DNAJC1: variants seen among roughly 807,000 people sequenced by gnomAD.
DNAJC1 encodes DnaJ heat shock protein family (Hsp40) member C1.
A neutral mutation model predicts 76.6 loss-of-function variants in DNAJC1; 58 were observed. The ratio of observed to expected loss-of-function variants is 0.76; its 90% CI spans 0.61 to 0.94. The LOEUF is 0.94. Ranked by LOEUF, DNAJC1 falls within the 40% of genes least tolerant of loss-of-function variation. The pLI is 0.00. For synonymous variants in DNAJC1, 258 were observed against 267.9 expected, an observed-to-expected ratio of 0.96 and a Z score of 0.36; for missense variants, 689 against 677.3, an observed-to-expected ratio of 1.02 and a Z score of -0.19.
intron 1 of DNAJC1, among the ~76,000 whole-genome samples, chr10:21,973,325 G>GAA (rs1432794511): frequency 1.3e-5 from 2 of 152,274 alleles, no homozygotes; most frequent in East Asian, 1.9e-4. Flanking sequence ...CACTAACAAT[G>GAA]AAAATGGCCG....
At chr10:21,798,228 T>C (rs1411927057) in intron 9 of DNAJC1, among the ~76,000 whole-genome samples, 2 of 152,196 alleles carry the variant, frequency 1.3e-5, no homozygotes, top group African/African-American at 4.8e-5. Context: ...AAAACCACCA[T>C]TGTGTTCTGA....
At chr10:21,817,596 G>A (rs1459209875) in intron 8 of DNAJC1, among the ~76,000 whole-genome samples, 1 of 151,986 alleles carries the variant, frequency 6.6e-6, no homozygotes, top group African/African-American at 2.4e-5. Flanking sequence ...TCATACAAGA[G>A]CCAAATTAAA....
chr10:21,813,092 C>CATATATATATATATATATATATATATAT (rs1321366910), intron 8 of DNAJC1, among the ~76,000 whole-genome samples: 1 of 72,244 alleles, frequency 1.4e-5, no homozygotes, highest in African/African-American at 5.4e-5. Flanking sequence ...TATATACACA[C>CATATATATATATATATATATATATATAT]ACACATATAT....
intron 8 of DNAJC1, 61 bp from the exon 9 acceptor site, chr10:21,806,160 A>G (rs1834880612): frequency 6.6e-7 from 1 of 1,522,332 alleles, no homozygotes; most frequent in Non-Finnish European, 8.8e-7. Context: ...GATAATTGGA[A>G]GAATAAAAAA....
chr10:21,867,870 G>C (rs1836031246), intron 8 of DNAJC1, among the ~76,000 whole-genome samples: 1 of 151,764 alleles, frequency 6.6e-6, no homozygotes, highest in African/African-American at 2.4e-5. Context: ...TCAGGAGTTT[G>C]AGACCAGCCT....
At position 21,759,273 on chromosome 10, in the gene DNAJC1, G is replaced by A. The variant is rs1304901186; in HGVS notation, c.1493C>T (p.Thr498Ile). The change falls in exon 11 of 12, where the codon ACT (threonine) becomes ATT (isoleucine). Residue 498 changes from threonine to isoleucine, a missense_variant. By Grantham distance (89) the Thr-to-Ile change is moderately conservative. Coordinates refer to ENST00000376980, the MANE Select transcript of DNAJC1 (RefSeq NM_022365.4). Reference sequence around the variant, plus strand: ...TTCCAGAAGTTTCTGTTGATTTTGAGTCCACGGCTCCTCTGCAGACCGAGC... The same window carrying A: ...TTCCAGAAGTTTCTGTTGATTTTGAATCCACGGCTCCTCTGCAGACCGAGC... ...ERARSAEEPWTQNQQKLLELA... is the reference protein window; with the variant it reads ...ERARSAEEPWIQNQQKLLELA... The A allele has an allele frequency of 1.2e-6, 2 of 1,614,098 alleles. No homozygotes were observed. The highest frequency in any genetic ancestry group is 2.7e-5 in the African/African-American group (2 of 74,940).
intron 1 of DNAJC1, among the ~76,000 whole-genome samples, chr10:21,956,269 A>C (rs1837680077): frequency 6.6e-6 from 1 of 152,148 alleles, no homozygotes; most frequent in South Asian, 2.1e-4. Flanking sequence ...TAACTGCACT[A>C]ACACTTTCAT....
At chr10:21,862,706 T>C (rs1378841125) in intron 8 of DNAJC1, among the ~76,000 whole-genome samples, 1 of 151,664 alleles carries the variant, frequency 6.6e-6, no homozygotes. Flanking sequence ...TGGGATTACA[T>C]GCATGAGCCA....
intron 1 of DNAJC1, among the ~76,000 whole-genome samples, chr10:21,932,414 C>CA (rs1343972399): frequency 6.6e-6 from 1 of 152,024 alleles, no homozygotes; most frequent in Non-Finnish European, 1.5e-5. Context: ...GGCATGTCAG[C>CA]AAAAAACAGC....
intron 8 of DNAJC1, among the ~76,000 whole-genome samples, chr10:21,848,038 T>C (rs575443647): frequency 1.0e-3 from 152 of 152,324 alleles, no homozygotes; most frequent in African/African-American, 3.5e-3. Flanking sequence ...ATGTCCATAC[T>C]GTTTTCCATA....
chr10:21,823,853 T>C (rs1835198882), intron 8 of DNAJC1, among the ~76,000 whole-genome samples: 1 of 152,142 alleles, frequency 6.6e-6, no homozygotes. Flanking sequence ...CATCATGGGT[T>C]GGACAAGCTT....
At chr10:21,773,509 A>G (rs900318653) in intron 9 of DNAJC1, among the ~76,000 whole-genome samples, 1 of 152,124 alleles carries the variant, frequency 6.6e-6, no homozygotes, top group Non-Finnish European at 1.5e-5. Flanking sequence ...TATTATTTCT[A>G]TCCTTTTAAA....
At position 21,939,943 on chromosome 10, in the gene DNAJC1, C is replaced by CAAA. The variant is rs374955734; in HGVS notation, c.223-10805_223-10803dup. ...TTCTCACCCCACCCCAAACCTCTCT[C>CAAA]AAAAAAAAAAAAAAAAAAAAGCAGC... On this transcript the variant is annotated intron_variant, in intron 1 of 11. Coordinates refer to ENST00000376980, the MANE Select transcript of DNAJC1 (RefSeq NM_022365.4). Among the ~76,000 whole-genome samples, 8 of 70,312 alleles carry CAAA rather than the reference C, an allele frequency of 1.1e-4. No homozygotes were observed. The South Asian group carries it at 1.4e-3, about 12-fold the overall frequency. 46.1% of individuals were successfully genotyped at this position (70,312 alleles called of 152,430 possible).
chr10:21,978,169 G>C (rs1838095536), intron 1 of DNAJC1, among the ~76,000 whole-genome samples: 1 of 151,840 alleles, frequency 6.6e-6, no homozygotes, highest in African/African-American at 2.4e-5. Context: ...TTTTTAAATA[G>C]GTAATACAAT....
chr10:21,914,990 T>C (rs1836928726), intron 6 of DNAJC1, among the ~76,000 whole-genome samples: 1 of 152,226 alleles, frequency 6.6e-6, no homozygotes, highest in African/African-American at 2.4e-5. Context: ...TAAATTCATG[T>C]GTTATAACTG....
intron 5 of DNAJC1, 39 bp from the exon 6 acceptor site, chr10:21,918,911 G>A (rs780266933): frequency 5.6e-6 from 8 of 1,424,802 alleles, no homozygotes; most frequent in East Asian, 2.3e-5. Flanking sequence ...TACAACATAT[G>A]AGGAATATAC....
At position 21,920,831 on chromosome 10, in the gene DNAJC1, A is replaced by C; in HGVS notation, c.504T>G (p.Ala168=). ...TTTCCAGGTAGATTGACCAAACCACAGCATAATGACCCACTGTGAGAATAA... is the reference window on the plus strand; with the variant it reads ...TTTCCAGGTAGATTGACCAAACCACCGCATAATGACCCACTGTGAGAATAA... ...LFIILTVGHY[A]VVWSIYLEKQ... Residue 168 remains alanine (A), a synonymous_variant, in exon 4 of 12, where the codon GCT becomes GCG. Coordinates refer to ENST00000376980, the MANE Select transcript of DNAJC1 (RefSeq NM_022365.4). 1 of 1,612,940 alleles carries C rather than the reference A, an allele frequency of 6.2e-7. No homozygotes were observed. The highest frequency in any genetic ancestry group is 1.7e-5 in the Admixed American group (1 of 59,946).
At chr10:21,862,128 G>A (rs1189645208) in intron 8 of DNAJC1, among the ~76,000 whole-genome samples, 1 of 151,940 alleles carries the variant, frequency 6.6e-6, no homozygotes, top group African/African-American at 2.4e-5. Context: ...TTGTTGTTTA[G>A]GCTGGTCTCG....
chr10:21,759,622 G>C lies in DNAJC1; in HGVS notation c.1148-4C>G, dbSNP rs1403774135. 25 of 1,611,244 alleles carry C rather than the reference G, an allele frequency of 1.6e-5. No homozygotes were observed. The East Asian group carries it at 5.6e-4, about 36-fold the overall frequency. ...AGTTCGGAGAGTCTAACCATTCCTA[G>C]GAAAGAGGGTGTGCCACACAGAGGT... On this transcript the variant is annotated splice_region_variant and splice_polypyrimidine_tract_variant and intron_variant, in intron 10 of 11. Coordinates refer to ENST00000376980, the MANE Select transcript of DNAJC1 (RefSeq NM_022365.4).
Sources: gnomAD v4.1 joint callset for allele counts (sites outside exome capture counted in the v4.1 genomes callset) on GRCh38, gnomAD v4.1.1 for gene constraint, MANE v1.5 for transcripts, NCBI Gene and HGNC (gene_info 2026-07-23, HGNC 2026-07-21) for gene names.